CAMSAP3: variants seen among roughly 807,000 people sequenced by gnomAD.
CAMSAP3 encodes calmodulin-regulated spectrin-associated protein 3.
In CAMSAP3, 34 loss-of-function variants were observed where a neutral mutation model predicts 112.5. The ratio of observed to expected loss-of-function variants is 0.30; its 90% CI spans 0.23 to 0.40. The LOEUF (loss-of-function observed/expected upper bound fraction) is 0.40. Among genes scored for constraint, CAMSAP3 ranks in the 10% least tolerant of loss-of-function variants. The pLI, the probability that CAMSAP3 is intolerant of heterozygous loss-of-function variation, is 1.00. For synonymous variants in CAMSAP3, 868 were observed against 799.8 expected, an observed-to-expected ratio of 1.09 and a Z score of -1.44; for missense variants, 1,602 against 1,770.3, an observed-to-expected ratio of 0.90 and a Z score of 1.71.
At chr19:7,614,259 C>CAAAAAAAA (rs1173068955) in intron 11 of CAMSAP3, among the ~76,000 whole-genome samples, 3 of 18,766 alleles carry the variant, frequency 1.6e-4, no homozygotes, top group Non-Finnish European at 1.8e-4. Context: ...GACTCCATCT[C>CAAAAAAAA]AAAAAAAAAA....
intron 14 of CAMSAP3, 90 bp downstream of exon 14, chr19:7,616,712 C>T (rs1256476025): frequency 9.0e-6 from 8 of 892,504 alleles, no homozygotes; most frequent in South Asian, 1.3e-5. Flanking sequence ...ACCTAGAGGG[C>T]GGTATGGCTC....
At chr19:7,606,696 C>T (rs1187995238) in intron 4 of CAMSAP3, 125 bp downstream of exon 4, 3 of 1,589,972 alleles carry the variant, frequency 1.9e-6, no homozygotes, top group Non-Finnish European at 2.6e-6. Context: ...CTCTTTCTTC[C>T]CCCCTCTCTC....
intron 1 of CAMSAP3, among the ~76,000 whole-genome samples, chr19:7,602,469 G>C (rs115995513): frequency 0.021 from 3,226 of 152,290 alleles, 135 homozygotes; most frequent in African/African-American, 0.072. Flanking sequence ...GTGGGAGCAA[G>C]ACGTGCCCAA....
Position 7,614,934 on chromosome 19 carries a change from T to TCTCTCA in CAMSAP3, c.2671-247_2671-246insCTCACT, listed in dbSNP as rs1443973946. ...GAGCTTTTGCTGGCACTCACTGCTGTCTGCTGCTTTTGTCTTCCCCGTTGG... is the reference window on the plus strand; with the variant it reads ...GAGCTTTTGCTGGCACTCACTGCTGTCTCTCACTGCTGCTTTTGTCTTCCCCGTTGG... On this transcript the variant is annotated intron_variant, in intron 11 of 16. Coordinates refer to ENST00000160298, the MANE Select transcript of CAMSAP3 (RefSeq NM_020902.2). The TCTCTCA allele has an allele frequency of 2.4e-4, 141 of 585,414 alleles. 2 individuals carry two copies. The East Asian group carries it at 2.5e-3, about 10-fold the overall frequency. 36.3% of individuals were successfully genotyped at this position (585,414 alleles called of 1,614,324 possible).
chr19:7,616,671 GA>G, intron 14 of CAMSAP3, 49 bp downstream of exon 14: 1 of 1,357,978 alleles, frequency 7.4e-7, no homozygotes, highest in Non-Finnish European at 1.0e-6. Flanking sequence ...TGGCTTCCCA[GA>G]GCCTGGGAGG....
In CAMSAP3 at chr19:7,611,065, C is replaced by A. The variant is rs748107037; in HGVS notation, c.1050-30C>A. 99 of 1,612,480 alleles carry A rather than the reference C, an allele frequency of 6.1e-5. No homozygotes were observed. The Middle Eastern group carries it at 6.6e-4, about 11-fold the overall frequency. On this transcript the variant is annotated intron_variant, in intron 8 of 16. Transcript: ENST00000160298. The surrounding 1 kb of genome is among the most constrained non-coding windows in gnomAD (Gnocchi z 6.9). Reference sequence around the variant, plus strand: ...GAGAGGCGGAGGAGGAGGTGGGGGTCCTGAGGCTGAAGTACGTCTCTCCGT... The same window carrying A: ...GAGAGGCGGAGGAGGAGGTGGGGGTACTGAGGCTGAAGTACGTCTCTCCGT...
chr19:7,614,346 CTTTTGTT>C (rs2030671674), intron 11 of CAMSAP3, among the ~76,000 whole-genome samples: 4 of 88,758 alleles, frequency 4.5e-5, no homozygotes, highest in African/African-American at 8.1e-5. Flanking sequence ...GTTTTGTTTT[CTTTTGTT>C]TTTTGTTTTT....
chr19:7,605,169 T>TGTG lies in CAMSAP3; in HGVS notation c.149-56_149-54dup, dbSNP rs2030143355. ...TGTGGTGTGTGTGTGTGTGTGTGTG[T>TGTG]GTGTGTGTTGTATCTGGTGACCCTG... On this transcript the variant is annotated intron_variant, in intron 1 of 16. Transcript: ENST00000160298. 9 of 1,173,262 alleles carry TGTG rather than the reference T, an allele frequency of 7.7e-6. No individual in the cohort carries two copies. The South Asian group carries it at 1.3e-4, about 17-fold the overall frequency. 72.7% of individuals were successfully genotyped at this position (1,173,262 alleles called of 1,614,324 possible).
Position 7,615,147 on chromosome 19 carries a change from AG to A in CAMSAP3, c.2671-31del, listed in dbSNP as rs1361018974. 6.5e-7 allele frequency: 1 copy of A among 1,547,110 alleles called. No individual in the cohort carries two copies. Among genetic ancestry groups the A allele is most frequent in the Admixed American group, 2.0e-5 (1 of 51,066 alleles). On this transcript the variant is annotated intron_variant, in intron 11 of 16. Coordinates refer to ENST00000160298, the MANE Select transcript of CAMSAP3 (RefSeq NM_020902.2). The surrounding 1 kb of genome is among the most constrained non-coding windows in gnomAD (Gnocchi z 6.5). ...GATGGGCCTCCAGCCATGTTGGGGG[AG>A]GGGGTGGCTGGCTGGACTCGGCGTC...
chr19:7,616,544 A>G lies in CAMSAP3; in HGVS notation c.3134A>G (p.Tyr1045Cys). The stretch of plus-strand genomic sequence containing the variant: ...CCAGGCTCTCGGCTGAGCAAAATCT[A>G]TTCCCAGTCCACCCTGTCACTGTCC... ...GLLGSRLSKIYSQSTLSLSTV... is the reference protein window; with the variant it reads ...GLLGSRLSKICSQSTLSLSTV... Residue 1045 changes from tyrosine (Y) to cysteine (C), a missense_variant, in exon 14 of 17, where the codon TAT (tyrosine) becomes TGT (cysteine). By Grantham distance (194) the Tyr-to-Cys change is radical. This residue lies in a region of CAMSAP3 where 1,100 missense variants were observed against 1,135.7 expected (regional missense o/e 0.97). Coordinates refer to ENST00000160298, the MANE Select transcript of CAMSAP3 (RefSeq NM_020902.2). 6.2e-7 allele frequency: 1 copy of G among 1,613,008 alleles called. No homozygotes were observed. Among genetic ancestry groups the G allele is most frequent in the Non-Finnish European group, 8.5e-7 (1 of 1,179,750 alleles).
At position 7,617,469 on chromosome 19, in the gene CAMSAP3, C is replaced by A; in HGVS notation, c.3325+31C>A. The A allele has an allele frequency of 6.2e-7, 1 of 1,606,784 alleles. No homozygotes were observed. The highest frequency in any genetic ancestry group is 8.5e-7 in the Non-Finnish European group (1 of 1,173,410). On this transcript the variant is annotated intron_variant, in intron 15 of 16. Coordinates refer to ENST00000160298, the MANE Select transcript of CAMSAP3 (RefSeq NM_020902.2). The surrounding 1 kb of genome is among the most constrained non-coding windows in gnomAD (Gnocchi z 7.5). ...CAGGGGCTCTGGGTGATGTGAGGAG[C>A]AACAGGCACCCTCCTCCACAGCCCC... is the stretch of plus-strand genomic sequence containing the variant.
At chr19:7,601,062 TG>T (rs2029945500) in intron 1 of CAMSAP3, among the ~76,000 whole-genome samples, 1 of 152,046 alleles carries the variant, frequency 6.6e-6, no homozygotes, top group African/African-American at 2.4e-5. Context: ...ACTTGAAATG[TG>T]GTTGATCAGA....
In CAMSAP3 at chr19:7,615,624, G is replaced by A; in HGVS notation, c.3017G>A (p.Gly1006Glu). 6.9e-7 allele frequency: 1 copy of A among 1,449,646 alleles called. No individual in the cohort carries two copies. The highest frequency in any genetic ancestry group is 2.7e-5 in the East Asian group (1 of 37,710). 89.8% of individuals were successfully genotyped at this position (1,449,646 alleles called of 1,614,324 possible). ...CTGCGGCCCCGGGCTGCGGGGTCCG[G>A]GGGTCCAGGTCGGGGCGGGCGGAGG... Reference protein sequence around the residue: ...KVLRPRAAGSGGPGRGGRRAT... With the variant: ...KVLRPRAAGSEGPGRGGRRAT... The change falls in exon 13 of 17, where the codon GGG becomes GAG. Residue 1006 changes from glycine to glutamate, a missense_variant. By Grantham distance (98) the Gly-to-Glu change is moderately conservative. This residue lies in a region of CAMSAP3 where 1,100 missense variants were observed against 1,135.7 expected (regional missense o/e 0.97). Transcript: ENST00000160298. The surrounding 1 kb of genome is among the most constrained non-coding windows in gnomAD (Gnocchi z 6.5).
chr19:7,606,848 G>A (rs769765979), intron 4 of CAMSAP3: 2 of 1,607,178 alleles, frequency 1.2e-6, no homozygotes, highest in South Asian at 1.1e-5. Flanking sequence ...TGCCTGCCCT[G>A]CTTGTAGCTC....
At chr19:7,606,155 C>CCCCCCCCCCCCCCCCCACA in intron 2 of CAMSAP3, 116 bp from the exon 3 acceptor site, 1 of 512,022 alleles carries the variant, frequency 2.0e-6, no homozygotes, top group South Asian at 2.0e-5. Context: ...CCTCAAGCCC[C>CCCCCCCCCCCCCCCCCACA]ACCCCCCCCG....
Position 7,611,839 on chromosome 19 carries a change from C to T in CAMSAP3, c.1346C>T (p.Pro449Leu), listed in dbSNP as rs573993964. ...RPAPARTPTQ[P>L]PPEPGDLPTI... is the part of the protein sequence containing the mutation. ...GCGCCGGCCAGGACCCCCACCCAGCCACCCCCGGAGCCTGGTGACCTGCCC... is the reference window on the plus strand; with the variant it reads ...GCGCCGGCCAGGACCCCCACCCAGCTACCCCCGGAGCCTGGTGACCTGCCC... The change falls in exon 11 of 17, where the codon CCA becomes CTA. Residue 449 changes from proline to leucine, a missense_variant. Pro to Leu is a moderately conservative substitution (Grantham distance 98). Around this residue, in one of 6 missense-constraint regions of CAMSAP3, gnomAD observed 1,100 missense variants for 1,135.7 expected, o/e 0.97. Transcript: ENST00000160298. This position sits in a 1 kb window ranked among gnomAD's most constrained non-coding sequence, Gnocchi z 6.9. 1.9e-6 allele frequency: 3 copies of T among 1,579,176 alleles called. No homozygotes were observed. The highest frequency in any genetic ancestry group is 2.2e-5 in the East Asian group (1 of 44,554).
intron 1 of CAMSAP3, among the ~76,000 whole-genome samples, chr19:7,603,317 C>T (rs1042883021): frequency 2.0e-5 from 3 of 151,438 alleles, no homozygotes; most frequent in African/African-American, 2.4e-5. Context: ...CAGATTTAAG[C>T]GATTCTCCGG....
intron 2 of CAMSAP3, 114 bp from the exon 3 acceptor site, chr19:7,606,157 C>CGCCCCA: frequency 2.0e-6 from 1 of 501,084 alleles, no homozygotes; most frequent in East Asian, 6.7e-5. Flanking sequence ...TCAAGCCCCA[C>CGCCCCA]CCCCCCCGTC....
chr19:7,602,472 G>A lies in CAMSAP3; in HGVS notation c.149-2754G>A, dbSNP rs891230552. 7.2e-5 allele frequency among the ~76,000 whole-genome samples: 11 copies of A among 152,160 alleles called. No homozygotes were observed. In the East Asian group the frequency reaches 1.7e-3, roughly 24 times the overall value. Reference sequence around the variant, plus strand: ...GTGATTTTGCTGGTGGGAGCAAGACGTGCCCAAGGCCGGGGCTGGGGAGGT... The same window carrying A: ...GTGATTTTGCTGGTGGGAGCAAGACATGCCCAAGGCCGGGGCTGGGGAGGT... On this transcript the variant is annotated intron_variant, in intron 1 of 16. Coordinates refer to ENST00000160298, the MANE Select transcript of CAMSAP3 (RefSeq NM_020902.2).
Sources: allele counts gnomAD v4.1 joint callset (sites outside exome capture counted in the v4.1 genomes callset), GRCh38; gene constraint gnomAD v4.1.1; regional missense constraint gnomAD v4.1.1; non-coding constraint Gnocchi (gnomAD v3.1); transcripts MANE v1.5; gene names NCBI Gene and HGNC (gene_info 2026-07-23, HGNC 2026-07-21).